DOCK2: variants seen among roughly 807,000 people sequenced by gnomAD.
The protein encoded by DOCK2 is dedicator of cytokinesis 2.
DOCK2 carries 87 observed loss-of-function variants against 248.9 expected under a neutral mutation model. The observed-to-expected ratio is 0.35, with a 90% CI of 0.29 to 0.42. The LOEUF (loss-of-function observed/expected upper bound fraction) is 0.42, where lower values mean the gene tolerates loss of function less well. DOCK2 is among the 10% of genes least tolerant of loss of function. The pLI, the probability that DOCK2 is intolerant of heterozygous loss-of-function variation, is 1.00. For synonymous variants in DOCK2, 805 were observed against 821.6 expected (o/e 0.98, Z 0.35); for missense variants, 1,747 against 2,300.2 (o/e 0.76, Z 4.92).
At chr5:170,004,289 C>G (rs778704338) in intron 30 of DOCK2, among the ~76,000 whole-genome samples, 1 of 152,160 alleles carries the variant, frequency 6.6e-6, no homozygotes, top group Non-Finnish European at 1.5e-5. Flanking sequence ...ACAGTCCCAC[C>G]AACAGTGTAA....
In DOCK2 at chr5:169,803,065, G is replaced by T. The variant is rs755986717; in HGVS notation, c.2562G>T (p.Arg854=). 4.3e-6 allele frequency: 7 copies of T among 1,613,934 alleles called. No individual in the cohort carries two copies. The highest frequency in any genetic ancestry group is 5.9e-6 in the Non-Finnish European group (7 of 1,180,002). ...GAACTGTCTTTATTCCAGAATGCCG[G>T]GACATTCTGCTTCCTGTCATCACCA... is the stretch of plus-strand genomic sequence containing the variant. ...QSNLFKKQEC[R]DILLPVITKE... The change falls in exon 26 of 52, where the codon CGG becomes CGT. Residue 854 remains arginine, a synonymous_variant. Coordinates refer to ENST00000520908, the MANE Select transcript of DOCK2 (RefSeq NM_004946.3).
chr5:170,049,207 T>A (rs1295757511), intron 40 of DOCK2, among the ~76,000 whole-genome samples: 1 of 152,204 alleles, frequency 6.6e-6, no homozygotes, highest in Non-Finnish European at 1.5e-5. Flanking sequence ...CTCTGCCTCC[T>A]GGGTTCAAGC....
intron 46 of DOCK2, chr5:170,075,722 G>A: frequency 1.9e-6 from 1 of 533,672 alleles, no homozygotes; most frequent in Non-Finnish European, 3.3e-6. Context: ...CTCCTATGAG[G>A]CAAGGGAAGC....
intron 32 of DOCK2, 39 bp downstream of exon 32, chr5:170,008,785 G>C (rs1308752078): frequency 6.2e-7 from 1 of 1,612,176 alleles, no homozygotes; most frequent in Non-Finnish European, 8.5e-7. Context: ...ACATCTGCAG[G>C]CACCAAACTC....
intron 27 of DOCK2, chr5:169,883,683 C>A: frequency 6.4e-7 from 1 of 1,550,870 alleles, no homozygotes; most frequent in Non-Finnish European, 8.7e-7. Context: ...GAAGATGGTG[C>A]CTGGTTGCTT....
At chr5:169,732,199 C>A (rs1445440100) in intron 22 of DOCK2, among the ~76,000 whole-genome samples, 1 of 152,004 alleles carries the variant, frequency 6.6e-6, no homozygotes, top group Non-Finnish European at 1.5e-5. Flanking sequence ...TTAAGAATAC[C>A]CTAAATAGCA....
chr5:170,055,228 G>A, intron 41 of DOCK2, 77 bp from the exon 42 acceptor site: 1 of 1,434,970 alleles, frequency 7.0e-7, no homozygotes, highest in Non-Finnish European at 9.8e-7. Context: ...GGCCTGGAAG[G>A]TCTCAGCAAG....
At chr5:170,073,427 G>C (rs1377904265) in intron 46 of DOCK2, among the ~76,000 whole-genome samples, 1 of 152,086 alleles carries the variant, frequency 6.6e-6, no homozygotes, top group Non-Finnish European at 1.5e-5. Context: ...CCTCTTCTAA[G>C]TCCTTTGTAT....
At chr5:169,793,886 A>G (rs972574059) in intron 25 of DOCK2, among the ~76,000 whole-genome samples, 3 of 152,072 alleles carry the variant, frequency 2.0e-5, no homozygotes, top group Non-Finnish European at 2.9e-5. Context: ...AAATCAGTGC[A>G]TGCAGCTGCC....
intron 25 of DOCK2, among the ~76,000 whole-genome samples, chr5:169,798,880 A>G (rs1056893850): frequency 6.6e-6 from 1 of 152,204 alleles, no homozygotes. Flanking sequence ...TTACAGGTGG[A>G]GAAAGTTTTA....
chr5:169,686,046 C>T (rs1245235410), intron 8 of DOCK2, among the ~76,000 whole-genome samples: 1 of 152,210 alleles, frequency 6.6e-6, no homozygotes, highest in African/African-American at 2.4e-5. Context: ...CAGCCCAATT[C>T]ACCTGGCTTA....
intron 27 of DOCK2, among the ~76,000 whole-genome samples, chr5:169,904,496 A>T (rs1035013827): frequency 8.5e-5 from 13 of 152,202 alleles, no homozygotes; most frequent in African/African-American, 2.6e-4. Context: ...GGGTGCAGAC[A>T]GGCAGGGGAG....
intron 27 of DOCK2, among the ~76,000 whole-genome samples, chr5:169,847,260 G>A (rs1194147868): frequency 1.3e-5 from 2 of 152,188 alleles, no homozygotes; most frequent in Non-Finnish European, 2.9e-5. Flanking sequence ...GGCTCTGTAA[G>A]GAATTCCTAT....
At chr5:169,675,226 ACCTGGAGTCCAGGGCCT>A (rs1303690372) in intron 6 of DOCK2, among the ~76,000 whole-genome samples, 3 of 152,200 alleles carry the variant, frequency 2.0e-5, no homozygotes, top group Non-Finnish European at 4.4e-5. Context: ...TCCAGGGTCC[ACCTGGAGTCCAGGGCCT>A]CCTGGAGTGG....
chr5:169,775,259 T>C (rs905685044), intron 25 of DOCK2, among the ~76,000 whole-genome samples: 2 of 152,116 alleles, frequency 1.3e-5, no homozygotes, highest in Non-Finnish European at 2.9e-5. Flanking sequence ...GTTTCTTTGC[T>C]ACTAAGGAAG....
chr5:169,931,384 C>G (rs1330792314), intron 27 of DOCK2, among the ~76,000 whole-genome samples: 1 of 152,218 alleles, frequency 6.6e-6, no homozygotes, highest in African/African-American at 2.4e-5. Flanking sequence ...GATATTGCCG[C>G]CTCTCGGCAA....
At chr5:169,794,118 T>TA (rs1321823758) in intron 25 of DOCK2, among the ~76,000 whole-genome samples, 1 of 152,100 alleles carries the variant, frequency 6.6e-6, no homozygotes, top group Non-Finnish European at 1.5e-5. Flanking sequence ...TGCAGGACCC[T>TA]ACTTTTCCCG....
chr5:169,734,591 A>T (rs1762941815), intron 22 of DOCK2, among the ~76,000 whole-genome samples: 1 of 152,238 alleles, frequency 6.6e-6, no homozygotes, highest in Non-Finnish European at 1.5e-5. Context: ...GTTTATGGAT[A>T]CAAGCAAGGA....
chr5:169,917,275 A>G (rs573705791), intron 27 of DOCK2, among the ~76,000 whole-genome samples: 1 of 152,318 alleles, frequency 6.6e-6, no homozygotes, highest in African/African-American at 2.4e-5. Flanking sequence ...CCAGGCCAAT[A>G]TAATTGCTCA....
Sources: gnomAD v4.1 joint callset for allele counts (sites outside exome capture counted in the v4.1 genomes callset) on GRCh38, gnomAD v4.1.1 for gene constraint, MANE v1.5 for transcripts, NCBI Gene and HGNC (gene_info 2026-07-23, HGNC 2026-07-21) for gene names.